PIK3C2A: variants seen among roughly 807,000 people sequenced by gnomAD.
The protein encoded by PIK3C2A is phosphatidylinositol 4-phosphate 3-kinase C2 domain-containing subunit alpha.
A neutral mutation model predicts 204.5 loss-of-function variants in PIK3C2A; 97 were observed. That is an observed-to-expected ratio of 0.47 (90% CI 0.40 to 0.56). The LOEUF (loss-of-function observed/expected upper bound fraction) is 0.56. Ranked by LOEUF, PIK3C2A falls within the 20% of genes least tolerant of loss-of-function variation. The pLI, the probability that PIK3C2A is intolerant of heterozygous loss-of-function variation, is 0.00. For synonymous variants in PIK3C2A, 653 were observed against 664.4 expected (o/e 0.98, Z 0.26); for missense variants, 1,735 against 1,969.2 (o/e 0.88, Z 2.25).
intron 1 of PIK3C2A, among the ~76,000 whole-genome samples, chr11:17,178,113 GAA>G (rs371947674): frequency 2.5e-5 from 3 of 119,900 alleles, no homozygotes; most frequent in Non-Finnish European, 4.9e-5. Flanking sequence ...AAAAAAAAAA[GAA>G]AAAAAAAATT....
chr11:17,173,964 G>A (rs214932), intron 1 of PIK3C2A, among the ~76,000 whole-genome samples: 36,202 of 151,832 alleles, frequency 0.24, 5,325 homozygotes, highest in East Asian at 0.38. Context: ...CACCACACCC[G>A]GCTAATTTTT....
chr11:17,126,935 G>A (rs999848744), intron 13 of PIK3C2A, among the ~76,000 whole-genome samples: 1 of 152,054 alleles, frequency 6.6e-6, no homozygotes, highest in Non-Finnish European at 1.5e-5. Context: ...AAAGACTCCT[G>A]GTGCTTTCAA....
chr11:17,163,249 T>C (rs1356657458), intron 2 of PIK3C2A, among the ~76,000 whole-genome samples: 2 of 152,086 alleles, frequency 1.3e-5, no homozygotes, highest in Non-Finnish European at 2.9e-5. Context: ...GAGGTTGCAG[T>C]GTGCCGAGAT....
intron 11 of PIK3C2A, among the ~76,000 whole-genome samples, chr11:17,133,176 T>C (rs1849754732): frequency 6.6e-6 from 1 of 152,190 alleles, no homozygotes; most frequent in Non-Finnish European, 1.5e-5. Context: ...CTTTCTATTT[T>C]TATCACCGTT....
intron 23 of PIK3C2A, among the ~76,000 whole-genome samples, chr11:17,103,384 T>C (rs1021827457): frequency 3.3e-5 from 5 of 152,106 alleles, no homozygotes; most frequent in Non-Finnish European, 5.9e-5. Flanking sequence ...TAATATTGTA[T>C]AGAAGGATAC....
At chr11:17,170,832 G>T (rs371763656) in intron 1 of PIK3C2A, among the ~76,000 whole-genome samples, 4 of 152,078 alleles carry the variant, frequency 2.6e-5, no homozygotes, top group Non-Finnish European at 5.9e-5. Flanking sequence ...GGCCGGGCTC[G>T]GTGGCTCACA....
At chr11:17,149,385 T>C (rs575833863) in intron 4 of PIK3C2A, among the ~76,000 whole-genome samples, 310 of 152,226 alleles carry the variant, frequency 2.0e-3, no homozygotes, top group Middle Eastern at 3.4e-3. Context: ...TACAGGAGGA[T>C]GTGCATCAGT....
At chr11:17,180,490 C>A (rs12291561) in intron 1 of PIK3C2A, among the ~76,000 whole-genome samples, 1 of 150,770 alleles carries the variant, frequency 6.6e-6, no homozygotes, top group Admixed American at 6.6e-5. Context: ...AAAAGAACTA[C>A]TAGAAAACAA....
At chr11:17,201,724 A>C (rs1852391597) in intron 1 of PIK3C2A, among the ~76,000 whole-genome samples, 1 of 152,078 alleles carries the variant, frequency 6.6e-6, no homozygotes, top group Non-Finnish European at 1.5e-5. Context: ...ATCTTGTCTA[A>C]TTAACTCTTA....
chr11:17,145,608 A>T, intron 8 of PIK3C2A, 60 bp downstream of exon 8: 1 of 958,064 alleles, frequency 1.0e-6, no homozygotes, highest in Non-Finnish European at 1.7e-6. Context: ...ACTACCATTT[A>T]AGAGAAAGAA....
intron 2 of PIK3C2A, among the ~76,000 whole-genome samples, chr11:17,162,577 C>T (rs532307110): frequency 6.6e-6 from 1 of 152,154 alleles, no homozygotes; most frequent in East Asian, 1.9e-4. Flanking sequence ...CACCAAGTTT[C>T]GGCCAATCAA....
chr11:17,202,960 T>C (rs540107203), intron 1 of PIK3C2A, among the ~76,000 whole-genome samples: 33 of 152,350 alleles, frequency 2.2e-4, no homozygotes, highest in Admixed American at 2.0e-3. Context: ...ATGTTAATTA[T>C]ACACTATCTT....
chr11:17,148,819 G>C (rs1307848591), intron 4 of PIK3C2A, 32 bp from the exon 5 acceptor site: 1 of 1,575,804 alleles, frequency 6.3e-7, no homozygotes, highest in Non-Finnish European at 8.7e-7. Flanking sequence ...TTTTCACTTT[G>C]CTCATTTATA....
intron 19 of PIK3C2A, among the ~76,000 whole-genome samples, chr11:17,116,660 G>C (rs1208567634): frequency 1.3e-5 from 2 of 151,892 alleles, no homozygotes; most frequent in Non-Finnish European, 2.9e-5. Flanking sequence ...CTCGATCTCG[G>C]TTCACTGCAA....
At chr11:17,148,824 T>C (rs1261148767) in intron 4 of PIK3C2A, 37 bp from the exon 5 acceptor site, 2 of 1,551,536 alleles carry the variant, frequency 1.3e-6, no homozygotes, top group South Asian at 2.3e-5. Flanking sequence ...ACTTTGCTCA[T>C]TTATATTTAT....
Position 17,113,119 on chromosome 11 carries a change from C to T in PIK3C2A, c.3322-453G>A, listed in dbSNP as rs544599393. Among the ~76,000 whole-genome samples the T allele has an allele frequency of 1.1e-3, 163 of 152,226 alleles. 2 individuals carry two copies. The highest frequency in any genetic ancestry group is 3.7e-3 in the African/African-American group (154 of 41,478). ...CTCTGCCTCCTGGGTTCAAGCAATT[C>T]TCCTGCCTCAGCCTCCCGAGTAGCT... is the stretch of plus-strand genomic sequence containing the variant. On this transcript the variant is annotated intron_variant, in intron 20 of 32. Coordinates refer to ENST00000691414, the MANE Select transcript of PIK3C2A (RefSeq NM_002645.4).
chr11:17,128,514 C>T (rs1033851391), intron 13 of PIK3C2A, among the ~76,000 whole-genome samples: 3 of 152,140 alleles, frequency 2.0e-5, no homozygotes, highest in South Asian at 4.1e-4. Flanking sequence ...GCTGGGGTTA[C>T]AAGCATGAGC....
intron 1 of PIK3C2A, among the ~76,000 whole-genome samples, chr11:17,192,825 C>T (rs1851987657): frequency 6.6e-6 from 1 of 152,170 alleles, no homozygotes. Flanking sequence ...AACATTCAGC[C>T]AATTATTATG....
At chr11:17,142,782 G>C (rs1850108569) in intron 8 of PIK3C2A, among the ~76,000 whole-genome samples, 1 of 152,136 alleles carries the variant, frequency 6.6e-6, no homozygotes, top group Admixed American at 6.5e-5. Flanking sequence ...CAGGATCATG[G>C]AAGTCCTTGA....
Sources: allele counts gnomAD v4.1 joint callset (sites outside exome capture counted in the v4.1 genomes callset), GRCh38; gene constraint gnomAD v4.1.1; transcripts MANE v1.5; gene names NCBI Gene and HGNC (gene_info 2026-07-23, HGNC 2026-07-21).